HDAC9: variants seen among roughly 807,000 people sequenced by gnomAD.
HDAC9 encodes the protein histone deacetylase 9.
In HDAC9, 41 loss-of-function variants were observed where a neutral mutation model predicts 139.4. That is an observed-to-expected ratio of 0.29 (90% CI 0.23 to 0.38). HDAC9 has a LOEUF of 0.38. Ranked by LOEUF, HDAC9 falls within the 10% of genes least tolerant of loss-of-function variation. The probability of loss-of-function intolerance (pLI) is 1.00; values close to 1 mark genes in which losing one functional copy is unlikely to be tolerated. For synonymous variants in HDAC9, 517 were observed against 476.2 expected (o/e 1.09, Z -1.12); for missense variants, 1,147 against 1,297.0 (o/e 0.88, Z 1.78).
chr7:18,443,467 A>C (rs1791980383), intron 1 of HDAC9, among the ~76,000 whole-genome samples: 2 of 152,206 alleles, frequency 1.3e-5, no homozygotes, highest in African/African-American at 4.8e-5. Flanking sequence ...TTAAATCAAC[A>C]AGAAGTAAGC....
chr7:18,839,544 T>A (rs1284533188), intron 21 of HDAC9, among the ~76,000 whole-genome samples: 1 of 152,030 alleles, frequency 6.6e-6, no homozygotes, highest in East Asian at 1.9e-4. Context: ...AATGAATGAA[T>A]GAATGAATCA....
In HDAC9 at chr7:18,732,733, G is replaced by GTA. The variant is rs1441328225; in HGVS notation, c.1909+4978_1909+4979dup. ...TGCGTATGTGTACACACACACACGTGTATGTGTGCGTATGTGTACACACAC... is the reference window on the plus strand; with the variant it reads ...TGCGTATGTGTACACACACACACGTGTATATGTGTGCGTATGTGTACACACAC... On this transcript the variant is annotated intron_variant, in intron 13 of 25. Transcript: ENST00000686413. Among the ~76,000 whole-genome samples the GTA allele has an allele frequency of 4.1e-3, 272 of 66,756 alleles. 6 individuals are homozygous for GTA. Among genetic ancestry groups the GTA allele is most frequent in the East Asian group, 0.014 (16 of 1,110 alleles). The allele number at this position is 66,756 out of a possible 152,430, so 43.8% of individuals were successfully genotyped here.
chr7:18,830,071 G>T (rs1795749386), intron 19 of HDAC9, among the ~76,000 whole-genome samples: 1 of 152,162 alleles, frequency 6.6e-6, no homozygotes, highest in Non-Finnish European at 1.5e-5. Flanking sequence ...GTGACTGAAA[G>T]TTAGAGGCAC....
chr7:18,931,004 A>T (rs111796401), intron 22 of HDAC9, among the ~76,000 whole-genome samples: 3,232 of 152,240 alleles, frequency 0.021, 109 homozygotes, highest in African/African-American at 0.074. Context: ...TAGATAATTG[A>T]ATTCTCAGTT....
intron 1 of HDAC9, among the ~76,000 whole-genome samples, chr7:18,347,349 T>C (rs1782494498): frequency 6.6e-6 from 1 of 152,204 alleles, no homozygotes; most frequent in East Asian, 1.9e-4. Flanking sequence ...TTCTAGATAC[T>C]ATGGGAACCC....
At chr7:18,383,917 C>T (rs1362039400) in intron 1 of HDAC9, among the ~76,000 whole-genome samples, 1 of 150,804 alleles carries the variant, frequency 6.6e-6, no homozygotes, top group Non-Finnish European at 1.5e-5. Flanking sequence ...AAAGAAAGAA[C>T]TGATGAAATT....
At chr7:18,396,677 G>A (rs957425390) in intron 1 of HDAC9, among the ~76,000 whole-genome samples, 3 of 152,002 alleles carry the variant, frequency 2.0e-5, no homozygotes, top group African/African-American at 4.8e-5. Context: ...ACTCCTTTAC[G>A]CAGACCAGGC....
At chr7:18,390,047 A>AACACACACACACACACACACAC (rs60514746) in intron 1 of HDAC9, among the ~76,000 whole-genome samples, 1 of 130,432 alleles carries the variant, frequency 7.7e-6, no homozygotes, top group Admixed American at 7.9e-5. Flanking sequence ...AGAGAAAGAC[A>AACACACACACACACACACACAC]ACACACACAC....
At chr7:18,361,910 T>G (rs985849160) in intron 1 of HDAC9, among the ~76,000 whole-genome samples, 8 of 152,192 alleles carry the variant, frequency 5.3e-5, no homozygotes, top group African/African-American at 1.9e-4. Context: ...TTCCTCCAAG[T>G]GTTCCTTATT....
intron 21 of HDAC9, among the ~76,000 whole-genome samples, chr7:18,860,843 A>G (rs1360783736): frequency 2.0e-5 from 3 of 152,146 alleles, no homozygotes; most frequent in Non-Finnish European, 2.9e-5. Context: ...AAGGGGTTCA[A>G]GAAGAATCAG....
At chr7:18,447,218 ATTAT>A (rs1194632243) in intron 1 of HDAC9, among the ~76,000 whole-genome samples, 1 of 152,166 alleles carries the variant, frequency 6.6e-6, no homozygotes, top group East Asian at 1.9e-4. Context: ...AGAGTTTAAA[ATTAT>A]TTATGATGAA....
intron 17 of HDAC9, among the ~76,000 whole-genome samples, chr7:18,825,066 G>A (rs1465697317): frequency 6.6e-6 from 1 of 152,196 alleles, no homozygotes; most frequent in Non-Finnish European, 1.5e-5. Flanking sequence ...CTGGCAGAAG[G>A]CCAGAAGTTT....
At chr7:18,688,722 A>C (rs1390345392) in intron 12 of HDAC9, among the ~76,000 whole-genome samples, 6 of 152,076 alleles carry the variant, frequency 3.9e-5, no homozygotes, top group East Asian at 3.9e-4. Flanking sequence ...AAACTAGAAG[A>C]AGCACACATT....
chr7:18,298,638 T>A (rs1798311391), intron 1 of HDAC9, among the ~76,000 whole-genome samples: 1 of 152,196 alleles, frequency 6.6e-6, no homozygotes, highest in African/African-American at 2.4e-5. Flanking sequence ...TTGAGATAAT[T>A]TTCAAAAGTT....
chr7:18,341,472 T>A (rs901928172), intron 1 of HDAC9, among the ~76,000 whole-genome samples: 5 of 151,790 alleles, frequency 3.3e-5, no homozygotes, highest in African/African-American at 1.2e-4. Context: ...TAGTTTCTGT[T>A]GCTGTATCTT....
intron 1 of HDAC9, among the ~76,000 whole-genome samples, chr7:18,113,718 T>C (rs1425424551): frequency 6.6e-6 from 1 of 152,264 alleles, no homozygotes; most frequent in Non-Finnish European, 1.5e-5. Context: ...TTGCTTACAC[T>C]GTCTTAGTTC....
At chr7:18,240,664 C>A (rs1289311355) in intron 2 of HDAC9, among the ~76,000 whole-genome samples, 1 of 152,120 alleles carries the variant, frequency 6.6e-6, no homozygotes, top group Non-Finnish European at 1.5e-5. Context: ...CTGCTCACAA[C>A]CATCCAGTGG....
chr7:18,152,058 GT>G (rs1786820075), intron 1 of HDAC9, among the ~76,000 whole-genome samples: 1 of 151,544 alleles, frequency 6.6e-6, no homozygotes, highest in East Asian at 1.9e-4. Flanking sequence ...TCTAATCACA[GT>G]GAGAACTCCC....
At chr7:18,622,647 C>T (rs1213180278) in intron 6 of HDAC9, among the ~76,000 whole-genome samples, 2 of 151,652 alleles carry the variant, frequency 1.3e-5, no homozygotes, top group Non-Finnish European at 2.9e-5. Flanking sequence ...TAATCTAGTA[C>T]TCAATCTTGG....
Sources: allele counts gnomAD v4.1 joint callset (sites outside exome capture counted in the v4.1 genomes callset), GRCh38; gene constraint gnomAD v4.1.1; transcripts MANE v1.5; gene names NCBI Gene and HGNC (gene_info 2026-07-23, HGNC 2026-07-21).